HUWE1: variants seen among roughly 807,000 people sequenced by gnomAD.
HUWE1 encodes HECT, UBA and WWE domain containing E3 ubiquitin protein ligase 1, also known as E3 ubiquitin-protein ligase HUWE1.
In HUWE1, 18 loss-of-function variants were observed where a neutral mutation model predicts 299.4. The ratio of observed to expected loss-of-function variants is 0.06; its 90% CI spans 0.04 to 0.09. The LOEUF (loss-of-function observed/expected upper bound fraction) is 0.09. Ranked by LOEUF, HUWE1 falls within the 10% of genes least tolerant of loss-of-function variation. The pLI is 1.00. For synonymous variants in HUWE1, 1,317 were observed against 1,286.1 expected, an observed-to-expected ratio of 1.02 and a Z score of -0.51; for missense variants, 1,832 against 3,462.3, an observed-to-expected ratio of 0.53 and a Z score of 11.82.
At chrX:53,542,407 C>G in intron 74 of HUWE1, 36 bp downstream of exon 74, 3 of 903,051 alleles carry the variant, frequency 3.3e-6, no homozygotes, top group Non-Finnish European at 4.9e-6. Context: ...ACTGGCTATC[C>G]CTTTTGCTCG....
intron 4 of HUWE1, among the ~76,000 whole-genome samples, chrX:53,648,542 A>AAAC (rs1462648023): frequency 1.2e-4 from 12 of 98,175 alleles, no homozygotes; most frequent in African/African-American, 5.3e-4. Flanking sequence ...AAAAAAAACA[A>AAAC]AAAAAAACAA....
chrX:53,534,985 G>A (rs1556910834), intron 81 of HUWE1, among the ~76,000 whole-genome samples: 1 of 108,752 alleles, frequency 9.2e-6, no homozygotes, highest in African/African-American at 3.4e-5. Context: ...TGCCCAGGCT[G>A]GAGAAGAGTG....
intron 7 of HUWE1, among the ~76,000 whole-genome samples, chrX:53,641,669 A>G (rs1222293771): frequency 8.9e-6 from 1 of 111,812 alleles, no homozygotes; most frequent in Non-Finnish European, 1.9e-5. Context: ...TATGGCCCAC[A>G]TAAGATGGGA....
In HUWE1 at chrX:53,533,754, T is replaced by C. The variant is rs782778578; in HGVS notation, c.13022+253A>G. 2.5e-5 allele frequency: 11 copies of C among 446,480 alleles called. 1 individual carries two copies. Among genetic ancestry groups the C allele is most frequent in the African/African-American group, 1.5e-4 (6 of 40,811 alleles). 36.8% of individuals were successfully genotyped at this position (446,480 alleles called of 1,213,427 possible). Reference sequence around the variant, plus strand: ...TTTGCTCCCTGCAACTCCTCCTTGCTCCAGTCACGCTGGCCCTGGAATACA... The same window carrying C: ...TTTGCTCCCTGCAACTCCTCCTTGCCCCAGTCACGCTGGCCCTGGAATACA... On this transcript the variant is annotated intron_variant, in intron 83 of 83. Transcript: ENST00000262854.
intron 56 of HUWE1, among the ~76,000 whole-genome samples, 184 bp downstream of exon 56, chrX:53,560,004 A>G (rs1357262315): frequency 3.6e-5 from 4 of 112,284 alleles, no homozygotes; most frequent in African/African-American, 6.5e-5. Context: ...GGTATTCCCC[A>G]AAAGGCTGCA....
intron 46 of HUWE1, among the ~76,000 whole-genome samples, chrX:53,574,896 T>C (rs905974778): frequency 5.4e-5 from 6 of 112,008 alleles, no homozygotes; most frequent in Non-Finnish European, 9.4e-5. Flanking sequence ...CAAATAATTA[T>C]GGTGTGATTT....
chrX:53,551,924 G>A (rs1245147211), intron 63 of HUWE1, among the ~76,000 whole-genome samples: 1 of 111,614 alleles, frequency 9.0e-6, no homozygotes, highest in Admixed American at 9.5e-5. Context: ...GGGACACAGA[G>A]AAGGCCCACC....
At chrX:53,589,448 G>T in intron 36 of HUWE1, 99 bp downstream of exon 36, 1 of 795,142 alleles carries the variant, frequency 1.3e-6, no homozygotes, top group Non-Finnish European at 1.9e-6. Context: ...ACCCATATCA[G>T]GTAGAATGAA....
chrX:53,601,665 A>ATTTTTT (rs34074990), intron 28 of HUWE1, among the ~76,000 whole-genome samples: 1 of 93,718 alleles, frequency 1.1e-5, no homozygotes, highest in East Asian at 3.4e-4. Context: ...GAAATTTGGA[A>ATTTTTT]TTTTTTTTTT....
chrX:53,559,219 T>C (rs371576417), intron 57 of HUWE1, 135 bp downstream of exon 57: 20 of 807,753 alleles, frequency 2.5e-5, no homozygotes, highest in Middle Eastern at 2.8e-4. Context: ...TTGTTGCCCA[T>C]GGCTAAGTCA....
chrX:53,601,213 GCT>G (rs1556990325), intron 28 of HUWE1, among the ~76,000 whole-genome samples: 1 of 105,637 alleles, frequency 9.5e-6, no homozygotes, highest in Non-Finnish European at 1.9e-5. Flanking sequence ...ACAGGGTCTC[GCT>G]CTGTCATCTA....
chrX:53,620,748 A>G (rs1341623612), intron 19 of HUWE1, among the ~76,000 whole-genome samples: 4 of 111,704 alleles, frequency 3.6e-5, no homozygotes, highest in Non-Finnish European at 7.5e-5. Context: ...CTTTCCATCT[A>G]TGAGTCTATA....
chrX:53,668,346 G>A (rs1327783853), intron 3 of HUWE1, among the ~76,000 whole-genome samples: 1 of 108,331 alleles, frequency 9.2e-6, no homozygotes, highest in East Asian at 2.9e-4. Context: ...GGAGGCCGAG[G>A]CAGAAGAATC....
chrX:53,591,545 T>C (rs1194033809), intron 33 of HUWE1, among the ~76,000 whole-genome samples: 4 of 112,013 alleles, frequency 3.6e-5, no homozygotes, highest in East Asian at 2.8e-4. Flanking sequence ...TATGTAAGGA[T>C]TGGTACGTAA....
At chrX:53,686,224 C>G (rs1314553256) in intron 2 of HUWE1, 46 bp downstream of exon 2, 1 of 113,210 alleles carries the variant, frequency 8.8e-6, no homozygotes, top group Non-Finnish European at 1.9e-5. Flanking sequence ...AAGGCCCGGC[C>G]TCTACTCTCT....
chrX:53,562,940 C>T lies in HUWE1; in HGVS notation c.7106-11G>A, dbSNP rs1197328502. On this transcript the variant is annotated splice_polypyrimidine_tract_variant and intron_variant, in intron 52 of 83. Coordinates refer to ENST00000262854, the MANE Select transcript of HUWE1 (RefSeq NM_031407.7). Reference sequence around the variant, plus strand: ...CTCCACTTCTGCTCACTGAAGGTTACAGAGCAGAGCCTTCACTGAACAACA... The same window carrying T: ...CTCCACTTCTGCTCACTGAAGGTTATAGAGCAGAGCCTTCACTGAACAACA... 4 of 1,173,749 alleles carry T rather than the reference C, an allele frequency of 3.4e-6. No individual in the cohort carries two copies. The African/African-American group carries it at 5.3e-5, about 16-fold the overall frequency.
At chrX:53,655,845 TATC>T (rs1557042709) in intron 3 of HUWE1, among the ~76,000 whole-genome samples, 1 of 112,021 alleles carries the variant, frequency 8.9e-6, no homozygotes, top group South Asian at 3.7e-4. Context: ...AGATGTCTGT[TATC>T]ATGACTTTTA....
At chrX:53,594,361 C>T (rs1163602165) in intron 31 of HUWE1, 138 bp downstream of exon 31, 1 of 705,572 alleles carries the variant, frequency 1.4e-6, no homozygotes, top group Non-Finnish European at 2.2e-6. Flanking sequence ...TCCCAGAACA[C>T]TGAAGGATAC....
At chrX:53,570,182 A>G (rs1253482538) in intron 47 of HUWE1, among the ~76,000 whole-genome samples, 1 of 110,286 alleles carries the variant, frequency 9.1e-6, no homozygotes, top group Non-Finnish European at 1.9e-5. Flanking sequence ...GGCTATTCAC[A>G]GGCATGATCA....
Sources: allele counts gnomAD v4.1 joint callset (sites outside exome capture counted in the v4.1 genomes callset), GRCh38; gene constraint gnomAD v4.1.1; transcripts MANE v1.5; gene names NCBI Gene and HGNC (gene_info 2026-07-23, HGNC 2026-07-21).